AP2B1: variants seen among roughly 807,000 people sequenced by gnomAD.
AP2B1 encodes the protein adaptor related protein complex 2 subunit beta 1, also known as AP-2 complex subunit beta.
AP2B1 carries 23 observed loss-of-function variants against 102.0 expected under a neutral mutation model. The ratio of observed to expected loss-of-function variants is 0.23; its 90% CI spans 0.16 to 0.32. The LOEUF (loss-of-function observed/expected upper bound fraction) is 0.32. Among genes scored for constraint, AP2B1 ranks in the 10% least tolerant of loss-of-function variants. The pLI is 1.00. For missense variants in AP2B1, 541 were observed against 1,157.4 expected, an observed-to-expected ratio of 0.47 and a Z score of 7.73; for synonymous variants, 381 against 421.2, an observed-to-expected ratio of 0.90 and a Z score of 1.17.
Position 35,589,864 on chromosome 17 carries a change from TC to T in AP2B1, c.-24+2437del, listed in dbSNP as rs556309167. ...GGAGCAGCTTGATTTTTGAGGCACTTCAGCAAATATTAGATTTTTTTTTTCT... is the reference window on the plus strand; with the variant it reads ...GGAGCAGCTTGATTTTTGAGGCACTTAGCAAATATTAGATTTTTTTTTTCT... On this transcript the variant is annotated intron_variant, in intron 1 of 21. Coordinates refer to ENST00000610402, the MANE Select transcript of AP2B1 (RefSeq NM_001030006.2). 9.9e-5 allele frequency among the ~76,000 whole-genome samples: 15 copies of T among 152,208 alleles called. No homozygotes were observed. The South Asian group carries it at 2.7e-3, about 27-fold the overall frequency.
At chr17:35,617,519 T>A (rs1164126394) in intron 5 of AP2B1, among the ~76,000 whole-genome samples, 1 of 152,234 alleles carries the variant, frequency 6.6e-6, no homozygotes, top group Non-Finnish European at 1.5e-5. Flanking sequence ...AAAGATTAAA[T>A]TTTTTAAAGC....
intron 12 of AP2B1, among the ~76,000 whole-genome samples, chr17:35,649,224 T>C (rs2075022160): frequency 6.6e-6 from 1 of 152,138 alleles, no homozygotes; most frequent in Non-Finnish European, 1.5e-5. Flanking sequence ...ATGGAAGATA[T>C]AATATATGTT....
intron 13 of AP2B1, among the ~76,000 whole-genome samples, chr17:35,653,845 G>T (rs2075150916): frequency 6.6e-6 from 1 of 151,988 alleles, no homozygotes; most frequent in Admixed American, 6.6e-5. Context: ...GAGCCACCGT[G>T]CCCAGCCCAG....
Position 35,717,278 on chromosome 17 carries a change from T to C in AP2B1, c.2710T>C (p.Ser904Pro). 6.2e-7 allele frequency: 1 copy of C among 1,614,166 alleles called. No homozygotes were observed. Among genetic ancestry groups the C allele is most frequent in the Non-Finnish European group, 8.5e-7 (1 of 1,180,016 alleles). ...GGAAGGGCAGGACATGCTGTACCAATCCCTGAAGCTCACTAATGGCATTTG... is the reference window on the plus strand; with the variant it reads ...GGAAGGGCAGGACATGCTGTACCAACCCCTGAAGCTCACTAATGGCATTTG... ...NVEGQDMLYQSLKLTNGIWIL... is the reference protein window; with the variant it reads ...NVEGQDMLYQPLKLTNGIWIL... Residue 904 changes from serine to proline, a missense_variant, in exon 21 of 22, where the codon TCC (serine) becomes CCC (proline). Around this residue, in one of 10 missense-constraint regions of AP2B1, gnomAD observed 117 missense variants for 206.7 expected, o/e 0.57. Transcript: ENST00000610402.
intron 3 of AP2B1, among the ~76,000 whole-genome samples, chr17:35,602,471 A>G (rs1054574201): frequency 6.6e-6 from 1 of 152,222 alleles, no homozygotes; most frequent in African/African-American, 2.4e-5. Context: ...AGCACTGGCC[A>G]GTGGAAATAC....
intron 19 of AP2B1, 29 bp downstream of exon 19, chr17:35,709,337 A>T (rs587629974): frequency 1.3e-6 from 2 of 1,585,108 alleles, no homozygotes; most frequent in Admixed American, 1.7e-5. Context: ...GTCCTGCTGA[A>T]TATACCTTTG....
At chr17:35,636,616 A>G (rs2074614360) in intron 10 of AP2B1, among the ~76,000 whole-genome samples, 160 bp downstream of exon 10, 1 of 152,260 alleles carries the variant, frequency 6.6e-6, no homozygotes. Context: ...CACAGGGATT[A>G]AAACCTGAGT....
At chr17:35,668,876 G>A (rs1178666663) in intron 14 of AP2B1, among the ~76,000 whole-genome samples, 2 of 152,016 alleles carry the variant, frequency 1.3e-5, no homozygotes, top group Non-Finnish European at 1.5e-5. Context: ...ATTCTGTATG[G>A]TTTTGCATTT....
intron 21 of AP2B1, among the ~76,000 whole-genome samples, chr17:35,720,008 C>T (rs968235079): frequency 2.6e-5 from 4 of 152,078 alleles, no homozygotes; most frequent in Admixed American, 2.0e-4. Flanking sequence ...GTATGCATAT[C>T]CAAATAGCCA....
intron 10 of AP2B1, among the ~76,000 whole-genome samples, chr17:35,638,193 G>A (rs1184567638): frequency 1.3e-5 from 2 of 152,128 alleles, no homozygotes; most frequent in East Asian, 3.9e-4. Context: ...GTAGAGAAAT[G>A]TATCCATTTC....
At position 35,605,855 on chromosome 17, in the gene AP2B1, G is replaced by A; in HGVS notation, c.279+15G>A. 1 of 1,606,742 alleles carries A rather than the reference G, an allele frequency of 6.2e-7. No individual in the cohort carries two copies. The highest frequency in any genetic ancestry group is 8.5e-7 in the Non-Finnish European group (1 of 1,177,248). ...GCTTTGTGAAGGTAACTTTTCCCAA[G>A]GCCTCAATAACAGAGTTTGAATTGC... On this transcript the variant is annotated intron_variant, in intron 4 of 21. Transcript: ENST00000610402.
chr17:35,591,171 CA>C (rs35271211), intron 1 of AP2B1, among the ~76,000 whole-genome samples: 14,055 of 68,936 alleles, frequency 0.2, 515 homozygotes, highest in Middle Eastern at 0.27. Context: ...GATTTTGTCT[CA>C]AAAAAAAAAA....
At chr17:35,722,728 A>G (rs1024335221) in intron 21 of AP2B1, among the ~76,000 whole-genome samples, 3 of 152,194 alleles carry the variant, frequency 2.0e-5, no homozygotes, top group Non-Finnish European at 4.4e-5. Context: ...AATTAACAAG[A>G]GGAATGATGT....
intron 12 of AP2B1, among the ~76,000 whole-genome samples, chr17:35,650,193 G>A (rs557017737): frequency 8.5e-5 from 13 of 152,054 alleles, no homozygotes; most frequent in South Asian, 6.2e-4. Context: ...CAAGCGATCC[G>A]TCCACCTTGG....
intron 17 of AP2B1, among the ~76,000 whole-genome samples, chr17:35,681,584 A>T (rs1190434830): frequency 6.6e-6 from 1 of 151,406 alleles, no homozygotes; most frequent in Non-Finnish European, 1.5e-5. Flanking sequence ...GTTTTCTTTT[A>T]TTACTTTTTT....
chr17:35,608,082 T>G, intron 4 of AP2B1, 60 bp from the exon 5 acceptor site: 1 of 1,593,980 alleles, frequency 6.3e-7, no homozygotes, highest in Non-Finnish European at 8.6e-7. Flanking sequence ...TTACATAAAC[T>G]GGACTGTTTA....
chr17:35,616,799 G>A (rs2074034659), intron 5 of AP2B1, among the ~76,000 whole-genome samples: 1 of 152,162 alleles, frequency 6.6e-6, no homozygotes, highest in South Asian at 2.1e-4. Flanking sequence ...CCATGAAATG[G>A]CATTTTTCAT....
At chr17:35,610,551 C>A (rs373413621) in intron 5 of AP2B1, among the ~76,000 whole-genome samples, 2 of 139,608 alleles carry the variant, frequency 1.4e-5, no homozygotes, top group South Asian at 2.2e-4. Flanking sequence ...TCACTTGAAG[C>A]CAAGAGTTTG....
intron 11 of AP2B1, among the ~76,000 whole-genome samples, chr17:35,640,762 A>G (rs2074756490): frequency 6.6e-6 from 1 of 152,218 alleles, no homozygotes; most frequent in South Asian, 2.1e-4. Context: ...CACATTGACA[A>G]CCACTGGCTT....
Sources: gnomAD v4.1 joint callset for allele counts (sites outside exome capture counted in the v4.1 genomes callset) on GRCh38, gnomAD v4.1.1 for gene constraint, gnomAD v4.1.1 regional missense constraint, MANE v1.5 for transcripts, NCBI Gene and HGNC (gene_info 2026-07-23, HGNC 2026-07-21) for gene names.